CTPS1: variants seen among roughly 807,000 people sequenced by gnomAD.
The protein encoded by CTPS1 is CTP synthetase 1.
Under a neutral mutation model 80.5 loss-of-function variants are expected in CTPS1, and 25 were observed. The observed-to-expected ratio is 0.31, with a 90% CI of 0.23 to 0.43. The LOEUF (loss-of-function observed/expected upper bound fraction) is 0.43. Among genes scored for constraint, CTPS1 ranks in the 20% least tolerant of loss-of-function variants. CTPS1 has a pLI of 1.00. For missense variants in CTPS1, 442 were observed against 725.7 expected (o/e 0.61, Z 4.49); for synonymous variants, 267 against 252.5 (o/e 1.06, Z -0.54).
intron 7 of CTPS1, among the ~76,000 whole-genome samples, chr1:40,995,572 A>G (rs1642730703): frequency 6.6e-6 from 1 of 151,724 alleles, no homozygotes; most frequent in African/African-American, 2.4e-5. Context: ...TAAATTTTGT[A>G]TTTTTTTGTA....
rs1191785500 is a variant in CTPS1 at position 41,007,990 on chromosome 1, A to G, written c.1393+445A>G. On this transcript the variant is annotated intron_variant, in intron 14 of 18. Transcript: ENST00000650070. The surrounding 1 kb of genome is among the most constrained non-coding windows in gnomAD (Gnocchi z 4.4). ...TTTTCGGAGGAAAATAGTTAAGAAA[A>G]TGACTATTACACAGATTTCCTTCTT... Among the ~76,000 whole-genome samples, 1 of 152,228 alleles carries G rather than the reference A, an allele frequency of 6.6e-6. No homozygotes were observed. The highest frequency in any genetic ancestry group is 6.5e-5 in the Admixed American group (1 of 15,284).
At chr1:41,005,827 C>T (rs377132468) in intron 12 of CTPS1, among the ~76,000 whole-genome samples, 12 of 152,098 alleles carry the variant, frequency 7.9e-5, no homozygotes, top group South Asian at 2.1e-4. Flanking sequence ...TTGCTTGAAC[C>T]TGGGAGTTCA....
At chr1:41,000,878 T>G in intron 9 of CTPS1, 151 bp from the exon 10 acceptor site, 1 of 423,176 alleles carries the variant, frequency 2.4e-6, no homozygotes, top group Non-Finnish European at 4.2e-6. Context: ...ATATATTAAG[T>G]TGATCACTTT....
chr1:40,998,426 G>GTCCCCAGCCTGGGT (rs1476764925), intron 9 of CTPS1, among the ~76,000 whole-genome samples: 1 of 147,698 alleles, frequency 6.8e-6, no homozygotes, highest in African/African-American at 2.5e-5. Flanking sequence ...AAAAAAACAT[G>GTCCCCAGCCTGGGT]GATGCCTGAG....
chr1:41,002,782 G>C (rs936693441), intron 11 of CTPS1, among the ~76,000 whole-genome samples: 1 of 152,128 alleles, frequency 6.6e-6, no homozygotes, highest in Non-Finnish European at 1.5e-5. Context: ...GAAATTTGAG[G>C]CTGTAGTGAG....
At chr1:40,983,973 C>T (rs1181811251) in intron 2 of CTPS1, among the ~76,000 whole-genome samples, 1 of 152,152 alleles carries the variant, frequency 6.6e-6, no homozygotes, top group South Asian at 2.1e-4. Flanking sequence ...GCTGTTACTT[C>T]AAAGATTAAT....
chr1:40,996,663 T>C (rs746027895), intron 8 of CTPS1, among the ~76,000 whole-genome samples: 2 of 152,240 alleles, frequency 1.3e-5, no homozygotes, highest in Non-Finnish European at 2.9e-5. Flanking sequence ...GAGGGCATAC[T>C]CATTCCGTTG....
intron 9 of CTPS1, among the ~76,000 whole-genome samples, chr1:41,000,434 G>A (rs1359073202): frequency 1.4e-5 from 2 of 146,582 alleles, no homozygotes; most frequent in East Asian, 2.0e-4. Context: ...TGTATTTTTA[G>A]TAGAGATGGG....
chr1:40,998,918 C>G (rs1301867653), intron 9 of CTPS1, among the ~76,000 whole-genome samples: 2 of 152,186 alleles, frequency 1.3e-5, no homozygotes, highest in Non-Finnish European at 2.9e-5. Context: ...TTACACAGCC[C>G]TGACTTCTTA....
At chr1:40,996,761 C>A (rs941492421) in intron 8 of CTPS1, among the ~76,000 whole-genome samples, 4 of 152,130 alleles carry the variant, frequency 2.6e-5, no homozygotes, top group Non-Finnish European at 5.9e-5. Context: ...TTTTATCATC[C>A]TTTTTCATAA....
chr1:40,985,235 C>G (rs1284482685), intron 3 of CTPS1, among the ~76,000 whole-genome samples: 1 of 152,252 alleles, frequency 6.6e-6, no homozygotes, highest in African/African-American at 2.4e-5. Context: ...CTTGTCAATT[C>G]TGCTAAGGCA....
intron 9 of CTPS1, 50 bp from the exon 10 acceptor site, chr1:41,000,979 C>G (rs770710650): frequency 7.8e-7 from 1 of 1,278,436 alleles, no homozygotes; most frequent in Non-Finnish European, 1.1e-6. Flanking sequence ...TAAGAACGCA[C>G]AGCCTGGGGT....
chr1:40,995,718 C>T (rs1273746338), intron 7 of CTPS1, among the ~76,000 whole-genome samples, 199 bp from the exon 8 acceptor site: 1 of 152,108 alleles, frequency 6.6e-6, no homozygotes, highest in Non-Finnish European at 1.5e-5. Flanking sequence ...TTTTAAAGGA[C>T]TTTTGCATCC....
At chr1:40,985,364 A>G (rs1328629143) in intron 3 of CTPS1, among the ~76,000 whole-genome samples, 1 of 152,210 alleles carries the variant, frequency 6.6e-6, no homozygotes, top group Non-Finnish European at 1.5e-5. Context: ...GGGACTTACT[A>G]TGTATAGAAG....
chr1:40,986,937 C>CA (rs1180005968), intron 3 of CTPS1, among the ~76,000 whole-genome samples: 1 of 152,212 alleles, frequency 6.6e-6, no homozygotes, highest in Non-Finnish European at 1.5e-5. Context: ...TGTGCTGGCT[C>CA]ACTGCAGTGG....
intron 2 of CTPS1, among the ~76,000 whole-genome samples, chr1:40,984,059 C>T (rs536595497): frequency 6.6e-6 from 1 of 152,278 alleles, no homozygotes; most frequent in South Asian, 2.1e-4. Context: ...TACTCTCTAG[C>T]GTTGAGGTGA....
chr1:40,996,504 G>A (rs993144568), intron 8 of CTPS1, among the ~76,000 whole-genome samples: 5 of 152,154 alleles, frequency 3.3e-5, no homozygotes, highest in African/African-American at 9.7e-5. Context: ...ACATTAGGAC[G>A]GGGATGTGTT....
rs1643153138 is a variant in CTPS1, at chr1:41,010,807, ATGTT to A, written c.*9+557_*9+560del. 4.6e-5 allele frequency among the ~76,000 whole-genome samples: 7 copies of A among 152,306 alleles called. No individual in the cohort carries two copies. The South Asian group carries it at 1.5e-3, about 32-fold the overall frequency. On this transcript the variant is annotated intron_variant, in intron 18 of 18. Transcript: ENST00000650070. ...GGAACAATTGCCAAATAGACGTCGA[ATGTT>A]TGTCTATTAAGTGACAGGGTTTGTA...
chr1:41,005,182 C>T (rs998355060), intron 12 of CTPS1, among the ~76,000 whole-genome samples: 3 of 150,170 alleles, frequency 2.0e-5, no homozygotes, highest in African/African-American at 4.9e-5. Flanking sequence ...CAGTGGCTCA[C>T]GCCTGTAATC....
Sources: gnomAD v4.1 joint callset for allele counts (sites outside exome capture counted in the v4.1 genomes callset) on GRCh38, gnomAD v4.1.1 for gene constraint, Gnocchi (gnomAD v3.1) non-coding constraint, MANE v1.5 for transcripts, NCBI Gene and HGNC (gene_info 2026-07-23, HGNC 2026-07-21) for gene names.